Variants in SIAH3 observed in about 807,000 individuals in gnomAD.
SIAH3 encodes siah E3 ubiquitin protein ligase family member 3.
Under a neutral mutation model 12.6 loss-of-function variants are expected in SIAH3, and 9 were observed. The observed-to-expected ratio is 0.72, with a 90% CI of 0.43 to 1.25. The LOEUF is 1.25. Among genes scored for constraint, SIAH3 ranks in the 50% most tolerant of loss-of-function variants. The pLI is 0.00. For missense variants in SIAH3, 390 were observed against 365.4 expected, an observed-to-expected ratio of 1.07 and a Z score of -0.55; for synonymous variants, 154 against 151.1, an observed-to-expected ratio of 1.02 and a Z score of -0.14.
chr13:45,778,353 G>C lies in SIAH3; in HGVS notation c.*5030C>G, dbSNP rs2137543018. On this transcript the variant is annotated 3_prime_UTR_variant, in exon 2 of 2. Transcript: ENST00000400405. ...TAGAGCTGGTTTTGCTTTTTGGATTGGGATAGCCAATAGGCTGAGTTTGCG... is the reference window on the plus strand; with the variant it reads ...TAGAGCTGGTTTTGCTTTTTGGATTCGGATAGCCAATAGGCTGAGTTTGCG... 6.6e-6 allele frequency: 1 copy of C among 152,304 alleles called. No homozygotes were observed. The allele number at this position is 152,304 out of a possible 1,614,324, so 9.4% of individuals were successfully genotyped here. A position where few individuals can be genotyped will look rare whatever the true frequency, so the allele number is the denominator to read the frequency against.
intron 1 of SIAH3, among the ~76,000 whole-genome samples, chr13:45,839,811 A>G (rs573072627): frequency 5.9e-5 from 9 of 151,646 alleles, no homozygotes; most frequent in African/African-American, 1.7e-4. Flanking sequence ...CAGCCTGGGC[A>G]ACAGAGTGAG....
chr13:45,793,982 A>G (rs543547477), intron 1 of SIAH3, among the ~76,000 whole-genome samples: 1 of 152,318 alleles, frequency 6.6e-6, no homozygotes, highest in South Asian at 2.1e-4. Context: ...AGATGGAGGT[A>G]GAGATTGGAG....
At chr13:45,835,817 G>T (rs1023781320) in intron 1 of SIAH3, among the ~76,000 whole-genome samples, 4 of 152,210 alleles carry the variant, frequency 2.6e-5, no homozygotes, top group Non-Finnish European at 2.9e-5. Context: ...TCAGGCTCTG[G>T]ACTTGTATAT....
intron 1 of SIAH3, among the ~76,000 whole-genome samples, chr13:45,793,685 CT>C (rs35502805): frequency 0.13 from 19,355 of 152,186 alleles, 1,315 homozygotes; most frequent in South Asian, 0.16. Flanking sequence ...TCAACCGCTT[CT>C]CTTCATCTGA....
At chr13:45,824,624 C>T (rs1950667212) in intron 1 of SIAH3, among the ~76,000 whole-genome samples, 2 of 152,148 alleles carry the variant, frequency 1.3e-5, no homozygotes, top group Non-Finnish European at 2.9e-5. Flanking sequence ...TTGAAAACCA[C>T]TGTGGGGAAA....
intron 1 of SIAH3, among the ~76,000 whole-genome samples, chr13:45,802,157 T>C (rs1435518279): frequency 6.6e-6 from 1 of 151,856 alleles, no homozygotes; most frequent in Non-Finnish European, 1.5e-5. Context: ...AATACAAAAA[T>C]TAGCTGGGCG....
At chr13:45,850,600 C>G (rs1950777091) in intron 1 of SIAH3, among the ~76,000 whole-genome samples, 1 of 152,076 alleles carries the variant, frequency 6.6e-6, no homozygotes, top group African/African-American at 2.4e-5. Flanking sequence ...TCCCTGACTT[C>G]CCCTCCTCCC....
chr13:45,817,562 C>T (rs1950638987), intron 1 of SIAH3, among the ~76,000 whole-genome samples: 1 of 152,126 alleles, frequency 6.6e-6, no homozygotes, highest in African/African-American at 2.4e-5. Flanking sequence ...CACAAGTGTC[C>T]TTATACGAGG....
intron 1 of SIAH3, among the ~76,000 whole-genome samples, chr13:45,807,089 A>C (rs1950600712): frequency 6.6e-6 from 1 of 152,216 alleles, no homozygotes; most frequent in African/African-American, 2.4e-5. Context: ...TATTAAAAAT[A>C]ATACCTTGGA....
intron 1 of SIAH3, among the ~76,000 whole-genome samples, chr13:45,786,777 A>C (rs1593374714): frequency 6.6e-6 from 1 of 152,168 alleles, no homozygotes; most frequent in East Asian, 1.9e-4. Flanking sequence ...ATCTGGGCTG[A>C]GTGCAGGCCA....
intron 1 of SIAH3, among the ~76,000 whole-genome samples, chr13:45,846,087 T>C (rs943768716): frequency 8.8e-5 from 12 of 136,424 alleles, no homozygotes; most frequent in Non-Finnish European, 1.4e-4. Flanking sequence ...CTAACTTCTT[T>C]TTTTTTTTTT....
rs73191355 is a variant in SIAH3, at chr13:45,788,573, C to T, written c.136-4516G>A. ...CTCTAAGCATTAGTGAGGCCATTTC[C>T]GCTGAGGGTGTAATTGAATTTAAAA... On this transcript the variant is annotated intron_variant, in intron 1 of 1. Transcript: ENST00000400405. Among the ~76,000 whole-genome samples the T allele has an allele frequency of 3.6e-3, 543 of 152,292 alleles. 2 individuals are homozygous for T. The highest frequency in any genetic ancestry group is 6.8e-3 in the Middle Eastern group (2 of 294).
At chr13:45,844,333 G>T (rs1164242608) in intron 1 of SIAH3, among the ~76,000 whole-genome samples, 2 of 152,156 alleles carry the variant, frequency 1.3e-5, no homozygotes, top group Non-Finnish European at 1.5e-5. Context: ...CATCTCATTG[G>T]CCAATGGCTG....
chr13:45,819,015 A>C (rs909384243), intron 1 of SIAH3, among the ~76,000 whole-genome samples: 3 of 152,218 alleles, frequency 2.0e-5, no homozygotes, highest in Admixed American at 2.0e-4. Flanking sequence ...GAGATGGACA[A>C]GGAAACCCAC....
chr13:45,842,631 A>AACC (rs1950744266), intron 1 of SIAH3, among the ~76,000 whole-genome samples: 1 of 152,136 alleles, frequency 6.6e-6, no homozygotes, highest in South Asian at 2.1e-4. Flanking sequence ...TATAGGCGTG[A>AACC]ACCACCGTGC....
intron 1 of SIAH3, among the ~76,000 whole-genome samples, chr13:45,833,493 GCA>G (rs139611164): frequency 7.3e-5 from 11 of 150,486 alleles, no homozygotes; most frequent in Non-Finnish European, 1.3e-4. Flanking sequence ...ACACACACAC[GCA>G]CACACACACA....
chr13:45,810,163 G>C (rs1283482391), intron 1 of SIAH3, among the ~76,000 whole-genome samples: 1 of 152,190 alleles, frequency 6.6e-6, no homozygotes, highest in South Asian at 2.1e-4. Flanking sequence ...CCTCCCTCAG[G>C]AGACACCAGC....
At chr13:45,850,690 T>A (rs770302119) in intron 1 of SIAH3, among the ~76,000 whole-genome samples, 7 of 151,676 alleles carry the variant, frequency 4.6e-5, no homozygotes, top group African/African-American at 1.7e-4. Flanking sequence ...CCGGACCCCA[T>A]ATTTTGTCTG....
chr13:45,806,363 A>G (rs773898490), intron 1 of SIAH3, among the ~76,000 whole-genome samples: 4 of 152,230 alleles, frequency 2.6e-5, no homozygotes, highest in Non-Finnish European at 5.9e-5. Flanking sequence ...TGGTACATAT[A>G]CACCATGGAA....
Sources: allele counts gnomAD v4.1 joint callset (sites outside exome capture counted in the v4.1 genomes callset), GRCh38; gene constraint gnomAD v4.1.1; transcripts MANE v1.5; gene names NCBI Gene and HGNC (gene_info 2026-07-23, HGNC 2026-07-21).